The following FILIP1 variants were observed in gnomAD, a reference collection of about 807,000 sequenced individuals.
FILIP1 encodes the protein filamin A interacting protein 1.
A neutral mutation model predicts 102.1 loss-of-function variants in FILIP1; 61 were observed. The ratio of observed to expected loss-of-function variants is 0.60; its 90% CI spans 0.49 to 0.74. FILIP1 has a LOEUF of 0.74. Ranked by LOEUF, FILIP1 falls within the 30% of genes least tolerant of loss-of-function variation. FILIP1 has a pLI of 0.00. For missense variants in FILIP1, 1,314 were observed against 1,441.2 expected, an observed-to-expected ratio of 0.91 and a Z score of 1.43; for synonymous variants, 491 against 526.9, an observed-to-expected ratio of 0.93 and a Z score of 0.93.
chr6:75,376,734 T>G (rs150810068), intron 2 of FILIP1, among the ~76,000 whole-genome samples: 1 of 152,308 alleles, frequency 6.6e-6, no homozygotes, highest in East Asian at 1.9e-4. Context: ...GTTCCCAATA[T>G]TTGGTGACTA....
Position 75,470,210 on chromosome 6 carries a change from T to C in FILIP1, c.-7+23204A>G, listed in dbSNP as rs997654429. ...TAACTAAGAAGAGAGTTCAGCAAGATAGCAAGAAACAAAAACAACATAAAA... is the reference window on the plus strand; with the variant it reads ...TAACTAAGAAGAGAGTTCAGCAAGACAGCAAGAAACAAAAACAACATAAAA... On this transcript the variant is annotated intron_variant, in intron 1 of 5. Coordinates refer to ENST00000237172, the MANE Select transcript of FILIP1 (RefSeq NM_015687.5). 4.6e-5 allele frequency among the ~76,000 whole-genome samples: 7 copies of C among 152,094 alleles called. No homozygotes were observed. In the South Asian group the frequency reaches 6.2e-4, roughly 14 times the overall value.
intron 4 of FILIP1, among the ~76,000 whole-genome samples, chr6:75,344,285 C>T (rs1245882758): frequency 6.6e-6 from 1 of 152,136 alleles, no homozygotes; most frequent in Non-Finnish European, 1.5e-5. Flanking sequence ...ACATGCCAGG[C>T]CACCTCATCC....
At chr6:75,350,960 T>C (rs967343213) in intron 4 of FILIP1, among the ~76,000 whole-genome samples, 1 of 152,238 alleles carries the variant, frequency 6.6e-6, no homozygotes, top group African/African-American at 2.4e-5. Flanking sequence ...AACCAGATGA[T>C]TGTTGTAGAT....
rs900201846 is a variant in FILIP1, at chr6:75,467,438, G to T, written c.-7+25976C>A. 2.0e-5 allele frequency among the ~76,000 whole-genome samples: 3 copies of T among 152,168 alleles called. No homozygotes were observed. In the East Asian group the frequency reaches 5.8e-4, roughly 29 times the overall value. ...CCTGCCTCTCAGTTGCTCTCTGACAGATGGGAAGAAACAGTGTACTTGCTC... is the reference window on the plus strand; with the variant it reads ...CCTGCCTCTCAGTTGCTCTCTGACATATGGGAAGAAACAGTGTACTTGCTC... On this transcript the variant is annotated intron_variant, in intron 1 of 5. Transcript: ENST00000237172.
At chr6:75,304,682 G>T (rs186751913), downstream of FILIP1, among the ~76,000 whole-genome samples, 270 of 152,208 alleles carry the variant, frequency 1.8e-3, 1 homozygote, top group African/African-American at 6.1e-3. Context: ...ATAATGCGAA[G>T]ACAAAAGAGA....
In FILIP1 at chr6:75,308,437, T is replaced by C; in HGVS notation, c.*254A>G. On this transcript the variant is annotated 3_prime_UTR_variant, in exon 6 of 6. Transcript: ENST00000237172. ...CAGATGGGTCTATTGATGGGTCCAC[T>C]TGCTAGAAGCAAAACTGGAACTAGA... 1 of 1,298,780 alleles carries C rather than the reference T, an allele frequency of 7.7e-7. No individual in the cohort carries two copies. Among genetic ancestry groups the C allele is most frequent in the Non-Finnish European group, 9.9e-7 (1 of 1,009,834 alleles). 80.5% of individuals were successfully genotyped at this position (1,298,780 alleles called of 1,614,324 possible).
chr6:75,333,059 G>C (rs1217783009), intron 4 of FILIP1, among the ~76,000 whole-genome samples: 1 of 152,056 alleles, frequency 6.6e-6, no homozygotes, highest in Admixed American at 6.6e-5. Context: ...AATAAAATTT[G>C]TTTAAAATAA....
intron 1 of FILIP1, among the ~76,000 whole-genome samples, chr6:75,422,826 G>A (rs1261662829): frequency 1.3e-5 from 2 of 151,978 alleles, no homozygotes; most frequent in Admixed American, 6.6e-5. Flanking sequence ...TCATTTTAAT[G>A]TACATTTCTT....
At position 75,313,803 on chromosome 6, in the gene FILIP1, G is replaced by A; in HGVS notation, c.2029C>T (p.Leu677Phe). ...FRTEQDKANF[L>F]SQQLEEIKHQ... Reference sequence around the variant, plus strand: ...TTGATCTCCTCTAGTTGTTGAGAGAGGAAGTTAGCCTTATCCTGCTCAGTT... The same window carrying A: ...TTGATCTCCTCTAGTTGTTGAGAGAAGAAGTTAGCCTTATCCTGCTCAGTT... The change falls in exon 5 of 6, where the codon CTC becomes TTC. Residue 677 changes from leucine (L) to phenylalanine (F), a missense_variant. By Grantham distance (22) the Leu-to-Phe change is conservative (BLOSUM62 0). Coordinates refer to ENST00000237172, the MANE Select transcript of FILIP1 (RefSeq NM_015687.5). The surrounding 1 kb of genome is among the most constrained non-coding windows in gnomAD (Gnocchi z 4.2). The A allele has an allele frequency of 6.2e-7, 1 of 1,610,396 alleles. No individual in the cohort carries two copies. The highest frequency in any genetic ancestry group is 1.7e-5 in the Admixed American group (1 of 59,044).
chr6:75,319,178 G>C (rs747311763), intron 4 of FILIP1: 7 of 732,190 alleles, frequency 9.6e-6, no homozygotes, highest in Non-Finnish European at 1.5e-5. Flanking sequence ...CCTTTAGCTT[G>C]ATATGCAGCA....
rs192714879 is a variant in FILIP1 at position 75,415,101 on chromosome 6, A to G, written c.-6-123T>C. The stretch of plus-strand genomic sequence containing the variant: ...GCCAATAAGGAAAAATCAAATTAAC[A>G]TGTCATTAAAATTTTCAGGAAACCC... On this transcript the variant is annotated intron_variant, in intron 1 of 5. Coordinates refer to ENST00000237172, the MANE Select transcript of FILIP1 (RefSeq NM_015687.5). 2,931 of 919,748 alleles carry G rather than the reference A, an allele frequency of 3.2e-3. 2 individuals are homozygous for G. Among genetic ancestry groups the G allele is most frequent in the Non-Finnish European group, 4.3e-3 (2,658 of 612,852 alleles). The allele number at this position is 919,748 out of a possible 1,614,324, so 57.0% of individuals were successfully genotyped here.
chr6:75,391,934 T>G (rs1451222498), intron 2 of FILIP1, among the ~76,000 whole-genome samples: 2 of 152,172 alleles, frequency 1.3e-5, no homozygotes, highest in African/African-American at 2.4e-5. Flanking sequence ...AGTACTCCAC[T>G]GAAACTCTTT....
chr6:75,301,781 C>A (rs1204176566), intron 6 of FILIP1, among the ~76,000 whole-genome samples: 2 of 152,106 alleles, frequency 1.3e-5, no homozygotes, highest in African/African-American at 4.8e-5. Context: ...GTTACACAAC[C>A]TTTTGGTGGT....
At chr6:75,418,483 C>A (rs571176838) in intron 1 of FILIP1, among the ~76,000 whole-genome samples, 1 of 152,306 alleles carries the variant, frequency 6.6e-6, no homozygotes, top group South Asian at 2.1e-4. Flanking sequence ...ATTACAGACT[C>A]ATTGTGTTAA....
At chr6:75,311,747 T>A (rs1428745433) in intron 5 of FILIP1, among the ~76,000 whole-genome samples, 2 of 152,200 alleles carry the variant, frequency 1.3e-5, no homozygotes, top group African/African-American at 2.4e-5. Context: ...TCCACCTGCC[T>A]CAGCCTCCCA....
chr6:75,376,575 C>G (rs1360355157), intron 2 of FILIP1, among the ~76,000 whole-genome samples: 3 of 152,120 alleles, frequency 2.0e-5, no homozygotes, highest in Admixed American at 1.3e-4. Flanking sequence ...GCCTGACATA[C>G]AGTGAGGCCC....
intron 1 of FILIP1, among the ~76,000 whole-genome samples, chr6:75,426,396 G>A (rs1054253657): frequency 3.9e-5 from 6 of 152,142 alleles, no homozygotes; most frequent in Non-Finnish European, 5.9e-5. Flanking sequence ...GTAGGATTCC[G>A]CTGACATTGG....
chr6:75,341,516 C>G (rs898922421), intron 4 of FILIP1, among the ~76,000 whole-genome samples: 2 of 152,008 alleles, frequency 1.3e-5, no homozygotes, highest in African/African-American at 4.8e-5. Flanking sequence ...TTCCATTGGT[C>G]TCAGTCTTTT....
chr6:75,488,552 TTTTC>T (rs1450501823), intron 1 of FILIP1, among the ~76,000 whole-genome samples: 2 of 152,164 alleles, frequency 1.3e-5, no homozygotes, highest in South Asian at 2.1e-4. Context: ...TATTTCCTTC[TTTTC>T]TTTCTTTATT....
Sources: gnomAD v4.1 joint callset for allele counts (sites outside exome capture counted in the v4.1 genomes callset) on GRCh38, gnomAD v4.1.1 for gene constraint, Gnocchi (gnomAD v3.1) non-coding constraint, MANE v1.5 for transcripts, NCBI Gene and HGNC (gene_info 2026-07-23, HGNC 2026-07-21) for gene names.